The following TNIK variants were observed in gnomAD, a reference collection of about 807,000 sequenced individuals.
TNIK encodes the protein TRAF2 and NCK-interacting protein kinase.
TNIK carries 49 observed loss-of-function variants against 191.3 expected under a neutral mutation model. That is an observed-to-expected ratio of 0.26 (90% confidence interval 0.20 to 0.32). The LOEUF (loss-of-function observed/expected upper bound fraction) is 0.32, where lower values mean the gene tolerates loss of function less well. Ranked by LOEUF, TNIK falls within the 10% of genes least tolerant of loss-of-function variation. The pLI is 1.00. For missense variants in TNIK, 1,155 were observed against 1,702.3 expected, an observed-to-expected ratio of 0.68 and a Z score of 5.66; for synonymous variants, 594 against 600.9, an observed-to-expected ratio of 0.99 and a Z score of 0.17.
At chr3:171,164,430 A>G (rs2108747055) in intron 10 of TNIK, among the ~76,000 whole-genome samples, 1 of 152,366 alleles carries the variant, frequency 6.6e-6, no homozygotes, top group East Asian at 1.9e-4. Flanking sequence ...TACTGAGTGC[A>G]TCTATGTCCT....
intron 12 of TNIK, among the ~76,000 whole-genome samples, chr3:171,154,659 GA>G (rs1258780935): frequency 1.3e-5 from 2 of 152,158 alleles, no homozygotes; most frequent in Admixed American, 1.3e-4. Context: ...CCATGATACA[GA>G]ATAAAACAAG....
intron 2 of TNIK, among the ~76,000 whole-genome samples, chr3:171,361,360 G>A (rs961292202): frequency 1.3e-5 from 2 of 152,216 alleles, no homozygotes; most frequent in African/African-American, 4.8e-5. Context: ...CAACTCTACA[G>A]GTTCAACTAC....
intron 2 of TNIK, among the ~76,000 whole-genome samples, chr3:171,263,782 A>G (rs1342384218): frequency 6.6e-6 from 1 of 151,856 alleles, no homozygotes; most frequent in African/African-American, 2.4e-5. Flanking sequence ...TGCTTACCCT[A>G]GGATGGAGCA....
chr3:171,231,645 C>T (rs1743665579), intron 2 of TNIK, among the ~76,000 whole-genome samples: 1 of 152,172 alleles, frequency 6.6e-6, no homozygotes, highest in Non-Finnish European at 1.5e-5. Flanking sequence ...TTTCTATCCC[C>T]AGAGAACATC....
chr3:171,265,973 C>T (rs1748349544), intron 2 of TNIK, among the ~76,000 whole-genome samples: 2 of 152,176 alleles, frequency 1.3e-5, no homozygotes, highest in Non-Finnish European at 2.9e-5. Flanking sequence ...GCTGTCATGG[C>T]ACCTCCAATT....
intron 1 of TNIK, among the ~76,000 whole-genome samples, chr3:171,424,621 T>G (rs112486761): frequency 2.3e-4 from 35 of 152,232 alleles, no homozygotes; most frequent in African/African-American, 7.9e-4. Flanking sequence ...GAGAAAATGT[T>G]GCACATATAC....
chr3:171,250,790 A>G (rs1746136762), intron 2 of TNIK, among the ~76,000 whole-genome samples: 1 of 152,248 alleles, frequency 6.6e-6, no homozygotes, highest in Admixed American at 6.5e-5. Context: ...TGTAAACCAT[A>G]TAGTGCTCTA....
At chr3:171,250,851 C>T (rs1229022439) in intron 2 of TNIK, among the ~76,000 whole-genome samples, 1 of 152,238 alleles carries the variant, frequency 6.6e-6, no homozygotes, top group Non-Finnish European at 1.5e-5. Flanking sequence ...TTCTGACTTT[C>T]ATGACAGAGA....
At chr3:171,392,945 C>T (rs1163437615) in intron 1 of TNIK, among the ~76,000 whole-genome samples, 1 of 152,072 alleles carries the variant, frequency 6.6e-6, no homozygotes, top group Admixed American at 6.6e-5. Flanking sequence ...AAAGAAAGCA[C>T]TTCCACAAGC....
intron 11 of TNIK, among the ~76,000 whole-genome samples, chr3:171,158,958 C>T (rs1438749485): frequency 1.3e-5 from 2 of 152,110 alleles, no homozygotes; most frequent in Non-Finnish European, 2.9e-5. Flanking sequence ...TGAACACCAG[C>T]CCGGCTTCCC....
intron 2 of TNIK, among the ~76,000 whole-genome samples, chr3:171,275,401 G>C (rs944012282): frequency 2.4e-4 from 37 of 151,396 alleles, no homozygotes; most frequent in African/African-American, 7.8e-4. Flanking sequence ...ACAGGCAATA[G>C]AAAAGAATTT....
rs1387530501 is a variant in TNIK, at chr3:171,098,120, C to A, written c.2591+3329G>T. On this transcript the variant is annotated intron_variant, in intron 22 of 32. Coordinates refer to ENST00000436636, the MANE Select transcript of TNIK (RefSeq NM_015028.4). Reference sequence around the variant, plus strand: ...TAGTGGCTTCCTTCCAAAGGTATAGCATAGAAAAAAGCGGAAATAAAAGAG... The same window carrying A: ...TAGTGGCTTCCTTCCAAAGGTATAGAATAGAAAAAAGCGGAAATAAAAGAG... Among the ~76,000 whole-genome samples the A allele has an allele frequency of 1.2e-4, 17 of 147,374 alleles. No individual in the cohort carries two copies. In the Admixed American group the frequency reaches 1.2e-3, roughly 10 times the overall value.
At chr3:171,116,307 AC>A (rs1394292938) in intron 18 of TNIK, among the ~76,000 whole-genome samples, 1 of 152,214 alleles carries the variant, frequency 6.6e-6, no homozygotes, top group Non-Finnish European at 1.5e-5. Flanking sequence ...TCCCTTGTTC[AC>A]ATCTTAACTG....
chr3:171,066,768 T>C, intron 30 of TNIK, 33 bp from the exon 31 acceptor site: 1 of 1,594,868 alleles, frequency 6.3e-7, no homozygotes, highest in Non-Finnish European at 8.5e-7. Context: ...GCATTATTCT[T>C]TTAAAAAATA....
chr3:171,126,687 T>G (rs1322531478), intron 16 of TNIK, among the ~76,000 whole-genome samples: 1 of 152,240 alleles, frequency 6.6e-6, no homozygotes, highest in Non-Finnish European at 1.5e-5. Flanking sequence ...TAACACCTGC[T>G]GGAGCATGGA....
chr3:171,351,271 A>ATATGTGTG, intron 2 of TNIK, among the ~76,000 whole-genome samples: 1 of 150,360 alleles, frequency 6.7e-6, no homozygotes, highest in African/African-American at 2.5e-5. Context: ...ATATGTATAT[A>ATATGTGTG]TGTGTGTGTG....
intron 1 of TNIK, among the ~76,000 whole-genome samples, chr3:171,380,560 C>T (rs957363278): frequency 6.6e-6 from 1 of 152,206 alleles, no homozygotes; most frequent in Non-Finnish European, 1.5e-5. Flanking sequence ...CTATAAGCAA[C>T]CATGAAGTTG....
In TNIK at chr3:171,379,924, G is replaced by A. The variant is rs181219079; in HGVS notation, c.58-10239C>T. Among the ~76,000 whole-genome samples the A allele has an allele frequency of 6.4e-3, 978 of 152,078 alleles. 12 individuals are homozygous for A. Among genetic ancestry groups the A allele is most frequent in the African/African-American group, 0.02 (849 of 41,458 alleles). Reference sequence around the variant, plus strand: ...CTCAGGAGGCTGAGGCAGGAGCATCGCTTGAACCAGGGAGGTGGAGGTTGC... The same window carrying A: ...CTCAGGAGGCTGAGGCAGGAGCATCACTTGAACCAGGGAGGTGGAGGTTGC... On this transcript the variant is annotated intron_variant, in intron 1 of 32. Coordinates refer to ENST00000436636, the MANE Select transcript of TNIK (RefSeq NM_015028.4).
chr3:171,106,974 G>A (rs1725002778), intron 21 of TNIK, among the ~76,000 whole-genome samples: 1 of 152,118 alleles, frequency 6.6e-6, no homozygotes, highest in Non-Finnish European at 1.5e-5. Flanking sequence ...TGACATTTTA[G>A]CTTAGAAGGA....
Sources: allele counts gnomAD v4.1 joint callset (sites outside exome capture counted in the v4.1 genomes callset), GRCh38; gene constraint gnomAD v4.1.1; transcripts MANE v1.5; gene names NCBI Gene and HGNC (gene_info 2026-07-23, HGNC 2026-07-21).